Variants in INTU observed in about 807,000 individuals in gnomAD.
INTU encodes the protein protein inturned.
In INTU, 68 loss-of-function variants were observed where a neutral mutation model predicts 100.5. That is an observed-to-expected ratio of 0.68 (90% CI 0.56 to 0.83). The LOEUF is 0.83. Among genes scored for constraint, INTU ranks in the 40% least tolerant of loss-of-function variants. INTU has a pLI of 0.00. For missense variants in INTU, 1,071 were observed against 1,114.7 expected (o/e 0.96, Z 0.56); for synonymous variants, 357 against 395.7 (o/e 0.90, Z 1.16).
chr4:127,663,620 AGTCAAAAGC>A (rs1213227875), intron 4 of INTU, 36 bp downstream of exon 4: 1 of 1,564,164 alleles, frequency 6.4e-7, no homozygotes. Flanking sequence ...AAATAAGTTT[AGTCAAAAGC>A]CCAAAGGAAA....
At chr4:127,689,156 T>G (rs1343107073) in intron 8 of INTU, among the ~76,000 whole-genome samples, 1 of 151,568 alleles carries the variant, frequency 6.6e-6, no homozygotes, top group Non-Finnish European at 1.5e-5. Context: ...CTAATTTTTG[T>G]ATTTTTAAGT....
chr4:127,711,144 T>G, intron 14 of INTU, 42 bp downstream of exon 14: 1 of 1,406,356 alleles, frequency 7.1e-7, no homozygotes, highest in Non-Finnish European at 9.7e-7. Context: ...CAGTTTAATT[T>G]CCAGATCTCT....
At chr4:127,683,158 G>A (rs949709493) in intron 6 of INTU, among the ~76,000 whole-genome samples, 1 of 152,128 alleles carries the variant, frequency 6.6e-6, no homozygotes, top group African/African-American at 2.4e-5. Context: ...TAAACAGGGT[G>A]GGGGAAGGGA....
At position 127,704,209 on chromosome 4, in the gene INTU, C is replaced by T; in HGVS notation, c.1504-19C>T. ...CAAAAAAATAAAAATATAAAATCCA[C>T]TATGAATTTTTCCCCCAGTCCGAGG... On this transcript the variant is annotated intron_variant, in intron 9 of 15. Transcript: ENST00000335251. The T allele has an allele frequency of 3.1e-6, 5 of 1,588,974 alleles. No individual in the cohort carries two copies. The highest frequency in any genetic ancestry group is 2.2e-5 in the East Asian group (1 of 44,724).
chr4:127,667,744 G>A (rs956453473), intron 4 of INTU, among the ~76,000 whole-genome samples: 2 of 152,012 alleles, frequency 1.3e-5, no homozygotes, highest in Non-Finnish European at 2.9e-5. Flanking sequence ...ATAATGTTTT[G>A]TAACTTTTTT....
In INTU at chr4:127,669,097, G is replaced by A. The variant is rs745827606; in HGVS notation, c.1034G>A (p.Gly345Glu). The A allele has an allele frequency of 6.4e-7, 1 of 1,552,866 alleles. No individual in the cohort carries two copies. ...EASQKLKSVR[G>E]IFLTLCDMLE... Reference sequence around the variant, plus strand: ...TCTCAGAAACTTAAAAGTGTGAGAGGGATTTTTCTCACACTCTGTGACATG... The same window carrying A: ...TCTCAGAAACTTAAAAGTGTGAGAGAGATTTTTCTCACACTCTGTGACATG... Residue 345 changes from glycine to glutamate, a missense_variant, in exon 5 of 16, where the codon GGG becomes GAG. By Grantham distance (98) the Gly-to-Glu change is moderately conservative. Transcript: ENST00000335251.
chr4:127,702,747 G>T (rs1730702408), intron 9 of INTU, among the ~76,000 whole-genome samples: 1 of 151,962 alleles, frequency 6.6e-6, no homozygotes, highest in South Asian at 2.1e-4. Flanking sequence ...TATTATTAAG[G>T]TATAATTTAT....
chr4:127,672,171 T>C (rs1364516370), intron 5 of INTU, among the ~76,000 whole-genome samples: 1 of 152,180 alleles, frequency 6.6e-6, no homozygotes, highest in African/African-American at 2.4e-5. Flanking sequence ...AGTGTACAAG[T>C]AAATGCTTTT....
At chr4:127,693,261 G>A (rs1730232864) in intron 8 of INTU, among the ~76,000 whole-genome samples, 1 of 152,144 alleles carries the variant, frequency 6.6e-6, no homozygotes, top group Non-Finnish European at 1.5e-5. Flanking sequence ...TCTTTCATCA[G>A]TGTTTTGTAG....
intron 1 of INTU, among the ~76,000 whole-genome samples, chr4:127,643,092 G>A (rs1727404267): frequency 6.6e-6 from 1 of 152,120 alleles, no homozygotes; most frequent in African/African-American, 2.4e-5. Flanking sequence ...AGATTTTCAT[G>A]TACAATTTCC....
intron 1 of INTU, among the ~76,000 whole-genome samples, chr4:127,639,358 A>G (rs1285011339): frequency 6.6e-6 from 1 of 152,110 alleles, no homozygotes; most frequent in African/African-American, 2.4e-5. Context: ...TTCTCTTTCC[A>G]TACTCTGTTC....
In INTU at chr4:127,666,746, C is replaced by T. The variant is rs111866275; in HGVS notation, c.973-2290C>T. ...TCTGGCCATGGATCTGGTTTTACAG[C>T]GCAAGGGTCTCTCAGAGCATCTAGT... On this transcript the variant is annotated intron_variant, in intron 4 of 15. Transcript: ENST00000335251. Among the ~76,000 whole-genome samples, 136 of 152,288 alleles carry T rather than the reference C, an allele frequency of 8.9e-4. 1 individual carries two copies. The highest frequency in any genetic ancestry group is 3.0e-3 in the African/African-American group (126 of 41,580).
rs552009574 is a variant in INTU, at chr4:127,697,609, G to C, written c.1450-2401G>C. Among the ~76,000 whole-genome samples the C allele has an allele frequency of 4.6e-5, 7 of 152,026 alleles. No homozygotes were observed. In the South Asian group the frequency reaches 1.5e-3, roughly 32 times the overall value. Reference sequence around the variant, plus strand: ...ATTTCATTTAACATAATGCCCTCTAGGTTCATCTGTGTTGTCATAAATAAC... The same window carrying C: ...ATTTCATTTAACATAATGCCCTCTACGTTCATCTGTGTTGTCATAAATAAC... On this transcript the variant is annotated intron_variant, in intron 8 of 15. Coordinates refer to ENST00000335251, the MANE Select transcript of INTU (RefSeq NM_015693.4).
At chr4:127,682,086 T>G (rs1729591463) in intron 6 of INTU, among the ~76,000 whole-genome samples, 1 of 151,718 alleles carries the variant, frequency 6.6e-6, no homozygotes, top group South Asian at 2.1e-4. Context: ...ATGGCAATGA[T>G]TAAAAAGTCA....
At chr4:127,672,399 A>G (rs1012070782) in intron 5 of INTU, among the ~76,000 whole-genome samples, 2 of 151,310 alleles carry the variant, frequency 1.3e-5, no homozygotes, top group Non-Finnish European at 2.9e-5. Context: ...TTCATTTAGC[A>G]TAAGGAGGTG....
rs568513222 is a variant in INTU at position 127,693,499 on chromosome 4, A to G, written c.1449+5632A>G. On this transcript the variant is annotated intron_variant, in intron 8 of 15. Transcript: ENST00000335251. ...TGAGTCTTTAGGGTTTTCTAGGTAT[A>G]TAGTCATATCATTAGCAAACAGTGA... Among the ~76,000 whole-genome samples the G allele has an allele frequency of 3.9e-5, 6 of 152,268 alleles. No homozygotes were observed. In the South Asian group the frequency reaches 8.3e-4, roughly 21 times the overall value.
rs1262032067 is a variant in INTU at position 127,705,691 on chromosome 4, T to C, written c.1667T>C (p.Ile556Thr). The C allele has an allele frequency of 6.2e-7, 1 of 1,614,038 alleles. No homozygotes were observed. The highest frequency in any genetic ancestry group is 1.7e-5 in the Admixed American group (1 of 60,008). ...CLLPLAAKQR[I>T]GQLIIWREVF... ...CTGCCTTTAGCAGCAAAACAAAGAA[T>C]TGGTCAGTTGATCATATGGAGAGAA... Residue 556 changes from isoleucine to threonine, a missense_variant, in exon 11 of 16, where the codon ATT becomes ACT. Transcript: ENST00000335251.
chr4:127,656,324 T>G (rs1172685499), intron 2 of INTU, among the ~76,000 whole-genome samples: 2 of 152,230 alleles, frequency 1.3e-5, no homozygotes, highest in Non-Finnish European at 2.9e-5. Flanking sequence ...TAACAAATTT[T>G]CCATTTGTTC....
chr4:127,674,880 A>C (rs945095259), intron 6 of INTU, among the ~76,000 whole-genome samples: 2 of 152,220 alleles, frequency 1.3e-5, no homozygotes, highest in African/African-American at 4.8e-5. Context: ...CCATGTGAGG[A>C]AAGTAAAATC....
Sources: gnomAD v4.1 joint callset for allele counts (sites outside exome capture counted in the v4.1 genomes callset) on GRCh38, gnomAD v4.1.1 for gene constraint, MANE v1.5 for transcripts, NCBI Gene and HGNC (gene_info 2026-07-23, HGNC 2026-07-21) for gene names.